Variants in TEX36 observed in about 807,000 individuals in gnomAD.
The protein encoded by TEX36 is testis expressed 36, also known as testis-expressed protein 36.
TEX36 carries 12 observed loss-of-function variants against 13.6 expected under a neutral mutation model. That is an observed-to-expected ratio of 0.88 (90% CI 0.56 to 1.43). TEX36 has a LOEUF of 1.43. Among genes scored for constraint, TEX36 ranks in the 40% most tolerant of loss-of-function variants. The probability of loss-of-function intolerance (pLI) is 0.00; values close to 1 mark genes in which losing one functional copy is unlikely to be tolerated. For synonymous variants in TEX36, 93 were observed against 83.0 expected (o/e 1.12, Z -0.65); for missense variants, 224 against 228.3 (o/e 0.98, Z 0.12).
rs553427567 is a variant in TEX36 at position 125,647,948 on chromosome 10, G to C, written c.264+13073C>G. 1.2e-3 allele frequency among the ~76,000 whole-genome samples: 176 copies of C among 152,344 alleles called. 2 individuals are homozygous for C. Among genetic ancestry groups the C allele is most frequent in the African/African-American group, 4.2e-3 (175 of 41,586 alleles). ...GATCGAACTGCAAGGCGGCAGCAAG[G>C]CTGGGGGAGGGGCATCCACCATTGC... On this transcript the variant is annotated intron_variant, in intron 3 of 3. Transcript: ENST00000526819.
At chr10:125,580,401 A>G (rs1845869002) in intron 3 of TEX36, among the ~76,000 whole-genome samples, 1 of 152,242 alleles carries the variant, frequency 6.6e-6, no homozygotes, top group East Asian at 1.9e-4. Context: ...CATGCCTGAT[A>G]AATGGAAGAG....
intron 1 of TEX36, among the ~76,000 whole-genome samples, chr10:125,682,392 T>C (rs972021254): frequency 2.6e-5 from 4 of 152,212 alleles, no homozygotes. Flanking sequence ...GATGCATTCC[T>C]GGACTCTTCT....
intron 1 of TEX36, chr10:125,666,958 C>A: frequency 4.4e-6 from 4 of 918,244 alleles, no homozygotes; most frequent in Non-Finnish European, 6.5e-6. Context: ...CCTTGACAGG[C>A]CAGGCTGTTG....
intron 3 of TEX36, among the ~76,000 whole-genome samples, chr10:125,591,418 AGAAGTGAGGGCCCCCAG>A (rs1402266158): frequency 1.3e-5 from 2 of 152,200 alleles, no homozygotes; most frequent in Non-Finnish European, 2.9e-5. Flanking sequence ...ACCAAGGCCC[AGAAGTGAGGGCCCCCAG>A]GCTGTGTGGA....
chr10:125,615,027 T>G (rs1301082798), intron 3 of TEX36, among the ~76,000 whole-genome samples: 1 of 152,222 alleles, frequency 6.6e-6, no homozygotes, highest in East Asian at 1.9e-4. Context: ...CCTAGGTGTT[T>G]TATTCTCTTT....
intron 3 of TEX36, among the ~76,000 whole-genome samples, chr10:125,595,705 C>T (rs1846074485): frequency 1.3e-5 from 2 of 152,188 alleles, no homozygotes; most frequent in Admixed American, 1.3e-4. Flanking sequence ...TGGCTCACTC[C>T]CGCCTTTCTT....
intron 3 of TEX36, among the ~76,000 whole-genome samples, chr10:125,644,050 G>T (rs966672157): frequency 2.0e-5 from 3 of 152,296 alleles, no homozygotes; most frequent in Admixed American, 1.3e-4. Context: ...AGTGGGTGGA[G>T]AAAAATAACA....
chr10:125,671,389 C>T (rs1847226802), intron 1 of TEX36, among the ~76,000 whole-genome samples: 1 of 152,150 alleles, frequency 6.6e-6, no homozygotes, highest in Non-Finnish European at 1.5e-5. Context: ...TTGAGATAAT[C>T]ATGTGGTTTT....
intron 3 of TEX36, among the ~76,000 whole-genome samples, chr10:125,627,597 A>T (rs896376515): frequency 2.0e-5 from 3 of 152,260 alleles, no homozygotes; most frequent in Non-Finnish European, 4.4e-5. Context: ...CTTAATTTTA[A>T]TAAAAAGAGT....
intron 3 of TEX36, among the ~76,000 whole-genome samples, chr10:125,627,085 A>G (rs1390966164): frequency 6.6e-6 from 1 of 152,244 alleles, no homozygotes; most frequent in Non-Finnish European, 1.5e-5. Flanking sequence ...CACTTTCCAG[A>G]GTCAACAGGA....
chr10:125,627,711 C>G (rs1046676526), intron 3 of TEX36, among the ~76,000 whole-genome samples: 2 of 152,178 alleles, frequency 1.3e-5, no homozygotes, highest in African/African-American at 4.8e-5. Flanking sequence ...TCGCATTGTA[C>G]AACTCCAGGG....
chr10:125,619,563 G>T (rs1846402643), downstream of TEX36, among the ~76,000 whole-genome samples: 3 of 152,054 alleles, frequency 2.0e-5, no homozygotes, highest in Admixed American at 2.0e-4. Context: ...TTGTTTGTTT[G>T]TTTTTGAGAC....
chr10:125,592,447 T>A (rs1846032875), intron 3 of TEX36, among the ~76,000 whole-genome samples: 1 of 152,134 alleles, frequency 6.6e-6, no homozygotes, highest in African/African-American at 2.4e-5. Flanking sequence ...AATTTTATGT[T>A]GAGATTTCTG....
At chr10:125,648,743 G>C (rs1230837706) in intron 3 of TEX36, among the ~76,000 whole-genome samples, 1 of 152,146 alleles carries the variant, frequency 6.6e-6, no homozygotes, top group Non-Finnish European at 1.5e-5. Flanking sequence ...CCATCGCAAA[G>C]AAGCTAAAAA....
At chr10:125,577,697 G>C (rs1482892374) in intron 3 of TEX36, among the ~76,000 whole-genome samples, 3 of 152,120 alleles carry the variant, frequency 2.0e-5, no homozygotes, top group Non-Finnish European at 2.9e-5. Context: ...CTGCCATATT[G>C]TATAGACAAT....
intron 3 of TEX36, among the ~76,000 whole-genome samples, chr10:125,586,641 A>C (rs911349108): frequency 4.0e-5 from 6 of 149,780 alleles, no homozygotes; most frequent in African/African-American, 9.8e-5. Context: ...AATCCAAAAA[A>C]AAAAAAAAAA....
chr10:125,636,245 G>A lies in TEX36; in HGVS notation c.265-14600C>T, dbSNP rs1217381129. Among the ~76,000 whole-genome samples the A allele has an allele frequency of 6.5e-5, 9 of 138,176 alleles. No individual in the cohort carries two copies. In the South Asian group the frequency reaches 7.0e-4, roughly 11 times the overall value. 90.6% of individuals were successfully genotyped at this position (138,176 alleles called of 152,430 possible). ...TTTTGAGACAGAGTCTTGCTCTGTCGCCCAGGCTGGAATGCAGTGGTGTGG... is the reference window on the plus strand; with the variant it reads ...TTTTGAGACAGAGTCTTGCTCTGTCACCCAGGCTGGAATGCAGTGGTGTGG... On this transcript the variant is annotated intron_variant, in intron 3 of 3. Transcript: ENST00000526819.
At chr10:125,635,594 C>T (rs1268796170) in intron 3 of TEX36, among the ~76,000 whole-genome samples, 2 of 152,290 alleles carry the variant, frequency 1.3e-5, no homozygotes, top group South Asian at 2.1e-4. Context: ...GAAGGTACAG[C>T]GGATGGGGGA....
Position 125,600,159 on chromosome 10 carries a change from A to G in TEX36, c.265-23285T>C, listed in dbSNP as rs145027147. 4.7e-3 allele frequency among the ~76,000 whole-genome samples: 720 copies of G among 152,374 alleles called. 8 individuals are homozygous for G. The highest frequency in any genetic ancestry group is 0.016 in the African/African-American group (664 of 41,596). ...TGGCAGGTAACTTATGACCTGTGTC[A>G]TCTTCTTAATAAGATGAGCTGGGCC... is the stretch of plus-strand genomic sequence containing the variant. On this transcript the variant is annotated intron_variant, in intron 3 of 3. Transcript: ENST00000532135.
Sources: allele counts gnomAD v4.1 joint callset (sites outside exome capture counted in the v4.1 genomes callset), GRCh38; gene constraint gnomAD v4.1.1; transcripts MANE v1.5; gene names NCBI Gene and HGNC (gene_info 2026-07-23, HGNC 2026-07-21).